The following PPP1R3C variants were observed in gnomAD, a reference collection of about 807,000 sequenced individuals.
PPP1R3C encodes protein phosphatase 1 regulatory subunit 3C, also known as PP1 subunit R5.
A neutral mutation model predicts 29.3 loss-of-function variants in PPP1R3C; 20 were observed. That is an observed-to-expected ratio of 0.68 (90% CI 0.48 to 0.99). The LOEUF (loss-of-function observed/expected upper bound fraction) is 0.99. Among genes scored for constraint, PPP1R3C ranks in the 50% least tolerant of loss-of-function variants. The pLI, the probability that PPP1R3C is intolerant of heterozygous loss-of-function variation, is 0.00. For synonymous variants in PPP1R3C, 123 were observed against 143.1 expected (o/e 0.86, Z 1.00); for missense variants, 321 against 386.0 (o/e 0.83, Z 1.41).
At chr10:91,632,208 C>T (rs1431773063) in intron 1 of PPP1R3C, among the ~76,000 whole-genome samples, 1 of 152,138 alleles carries the variant, frequency 6.6e-6, no homozygotes. Context: ...ATAACACTCG[C>T]AGAATTTACT....
intron 1 of PPP1R3C, among the ~76,000 whole-genome samples, chr10:91,632,400 GTT>G (rs1027282991): frequency 7.2e-6 from 1 of 138,710 alleles, no homozygotes; most frequent in Non-Finnish European, 1.6e-5. Context: ...TGGTTTTTTT[GTT>G]TTTTTTTTTT....
rs909163406 is a variant in PPP1R3C at position 91,628,859 on chromosome 10, C to T, written c.*1068G>A. ...ATTCTTGCATTGAGAATCCTAGTGT[C>T]GGGCCTCACGTCAAGCATCACATCA... is the stretch of plus-strand genomic sequence containing the variant. On this transcript the variant is annotated 3_prime_UTR_variant, in exon 2 of 2. Coordinates refer to ENST00000238994, the MANE Select transcript of PPP1R3C (RefSeq NM_005398.7). 1.3e-5 allele frequency: 2 copies of T among 152,510 alleles called. No individual in the cohort carries two copies. Among genetic ancestry groups the T allele is most frequent in the Non-Finnish European group, 2.9e-5 (2 of 68,040 alleles). The allele number at this position is 152,510 out of a possible 1,614,324, so 9.4% of individuals were successfully genotyped here.
At chr10:91,632,634 C>A (rs1848728675) in intron 1 of PPP1R3C, among the ~76,000 whole-genome samples, 2 of 152,190 alleles carry the variant, frequency 1.3e-5, no homozygotes, top group South Asian at 4.1e-4. Flanking sequence ...CTCACCACTT[C>A]AGCTGCCCGA....
At position 91,628,988 on chromosome 10, in the gene PPP1R3C, T is replaced by C. The variant is rs1003928317; in HGVS notation, c.*939A>G. 2 of 152,274 alleles carry C rather than the reference T, an allele frequency of 1.3e-5. No individual in the cohort carries two copies. Among genetic ancestry groups the C allele is most frequent in the African/African-American group, 4.8e-5 (2 of 41,446 alleles). 9.4% of individuals were successfully genotyped at this position (152,274 alleles called of 1,614,324 possible). On this transcript the variant is annotated 3_prime_UTR_variant, in exon 2 of 2. Transcript: ENST00000238994. ...AACATTATTGCAGGAGGAATGCCTGTGTACAGAGTGGACCATCTTATGAGG... is the reference window on the plus strand; with the variant it reads ...AACATTATTGCAGGAGGAATGCCTGCGTACAGAGTGGACCATCTTATGAGG...
intron 1 of PPP1R3C, among the ~76,000 whole-genome samples, 179 bp from the exon 2 acceptor site, chr10:91,631,045 CCT>C (rs1848713309): frequency 6.6e-6 from 1 of 152,192 alleles, no homozygotes; most frequent in Non-Finnish European, 1.5e-5. Context: ...TCTATGTCTA[CCT>C]CTACCCTTGG....
chr10:91,629,305 G>A lies in PPP1R3C; in HGVS notation c.*622C>T, dbSNP rs886576038. ...TTATAGATCACATCTGAACAGAAAG[G>A]CTTCACTTAAGATCTTGATTCTCCG... On this transcript the variant is annotated 3_prime_UTR_variant, in exon 2 of 2. Coordinates refer to ENST00000238994, the MANE Select transcript of PPP1R3C (RefSeq NM_005398.7). 17 of 154,246 alleles carry A rather than the reference G, an allele frequency of 1.1e-4. No individual in the cohort carries two copies. Among genetic ancestry groups the A allele is most frequent in the African/African-American group, 3.9e-4 (16 of 41,420 alleles). 9.6% of individuals were successfully genotyped at this position (154,246 alleles called of 1,614,324 possible).
chr10:91,630,804 A>T lies in PPP1R3C; in HGVS notation c.77T>A (p.Met26Lys). The change falls in exon 2 of 2, where the codon ATG becomes AAG. Residue 26 changes from methionine (M) to lysine (K), a missense_variant. By Grantham distance (95) the Met-to-Lys change is moderately conservative (BLOSUM62 -1). Transcript: ENST00000238994. The surrounding 1 kb of genome is among the most constrained non-coding windows in gnomAD (Gnocchi z 4.4). Reference protein sequence around the residue: ...TSSVMPVDVAMRLCLAHSPPV... With the variant: ...TSSVMPVDVAKRLCLAHSPPV... The stretch of plus-strand genomic sequence containing the variant: ...TGGTGAATGTGCCAAGCAAAGCCTC[A>T]TGGCCACATCCACGGGCATGACCGA... 1 of 1,614,216 alleles carries T rather than the reference A, an allele frequency of 6.2e-7. No individual in the cohort carries two copies. Among genetic ancestry groups the T allele is most frequent in the Non-Finnish European group, 8.5e-7 (1 of 1,180,052 alleles).
rs191285483 is a variant in PPP1R3C at position 91,630,612 on chromosome 10, G to C, written c.269C>G (p.Ser90Cys). The C allele has an allele frequency of 1.9e-6, 3 of 1,612,114 alleles. No individual in the cohort carries two copies. The highest frequency in any genetic ancestry group is 1.3e-5 in the African/African-American group (1 of 74,940). ...QAKKRVVFAD[S>C]KGLSLTAIHV... is the part of the protein sequence containing the mutation. The stretch of plus-strand genomic sequence containing the variant: ...GATCGCAGTGAGAGAGAGGCCCTTG[G>C]AGTCAGCAAACACAACGCGCTTCTT... The change falls in exon 2 of 2, where the codon TCC becomes TGC. Residue 90 changes from serine to cysteine, a missense_variant. Coordinates refer to ENST00000238994, the MANE Select transcript of PPP1R3C (RefSeq NM_005398.7). This position sits in a 1 kb window ranked among gnomAD's most constrained non-coding sequence, Gnocchi z 4.4.
Position 91,630,709 on chromosome 10 carries a change from G to A in PPP1R3C, c.172C>T (p.Leu58=). The part of the protein sequence containing the change: ...RRHFVNKLKP[L]KSCLNIKHKA... Reference sequence around the variant, plus strand: ...TGTTTTATATTGAGACATGATTTCAGGGGCTTTAATTTATTCACAAAATGT... The same window carrying A: ...TGTTTTATATTGAGACATGATTTCAAGGGCTTTAATTTATTCACAAAATGT... Residue 58 remains leucine, a synonymous_variant, in exon 2 of 2, where the codon CTG becomes TTG. Transcript: ENST00000238994. The surrounding 1 kb of genome is among the most constrained non-coding windows in gnomAD (Gnocchi z 4.4). The A allele has an allele frequency of 1.2e-6, 2 of 1,614,168 alleles. No homozygotes were observed. The highest frequency in any genetic ancestry group is 3.3e-5 in the Admixed American group (2 of 60,022).
At chr10:91,631,235 TTTTC>T (rs953102607) in intron 1 of PPP1R3C, among the ~76,000 whole-genome samples, 10 of 152,194 alleles carry the variant, frequency 6.6e-5, no homozygotes, top group African/African-American at 2.4e-4. Flanking sequence ...AGGGAATTCA[TTTTC>T]TTTCTTTCTT....
chr10:91,630,941 AT>A lies in PPP1R3C; in HGVS notation c.15-76del. 7.5e-7 allele frequency: 1 copy of A among 1,326,194 alleles called. No individual in the cohort carries two copies. The highest frequency in any genetic ancestry group is 1.2e-5 in the South Asian group (1 of 83,928). 82.2% of individuals were successfully genotyped at this position (1,326,194 alleles called of 1,614,324 possible). A position where few individuals can be genotyped will look rare whatever the true frequency, so the allele number is the denominator to read the frequency against. On this transcript the variant is annotated intron_variant, in intron 1 of 1. Coordinates refer to ENST00000238994, the MANE Select transcript of PPP1R3C (RefSeq NM_005398.7). This position sits in a 1 kb window ranked among gnomAD's most constrained non-coding sequence, Gnocchi z 4.4. ...CCCCAGTGCCAAATACATATGTACT[AT>A]TTTTGTGCTGACTGAATTATAGCCA...
At chr10:91,632,890 C>A in intron 1 of PPP1R3C, 66 bp downstream of exon 1, 1 of 1,571,920 alleles carries the variant, frequency 6.4e-7, no homozygotes. Flanking sequence ...ACTGAAACGC[C>A]CCCCAACTTC....
chr10:91,630,877 A>G lies in PPP1R3C; in HGVS notation c.15-11T>C, dbSNP rs988107411. 1.2e-6 allele frequency: 2 copies of G among 1,602,820 alleles called. No individual in the cohort carries two copies. Among genetic ancestry groups the G allele is most frequent in the African/African-American group, 1.3e-5 (1 of 74,946 alleles). On this transcript the variant is annotated splice_polypyrimidine_tract_variant and intron_variant, in intron 1 of 1. Transcript: ENST00000238994. The surrounding 1 kb of genome is among the most constrained non-coding windows in gnomAD (Gnocchi z 4.4). The stretch of plus-strand genomic sequence containing the variant: ...AAAACCTGGATCATTCTGGAATGCA[A>G]AAAGAAGAGGGATTATCACCTGGAT...
chr10:91,629,838 T>G lies in PPP1R3C; in HGVS notation c.*89A>C. The G allele has an allele frequency of 7.3e-7, 1 of 1,371,334 alleles. No homozygotes were observed. Among genetic ancestry groups the G allele is most frequent in the Non-Finnish European group, 1.0e-6 (1 of 972,972 alleles). The allele number at this position is 1,371,334 out of a possible 1,614,324, so 84.9% of individuals were successfully genotyped here. On this transcript the variant is annotated 3_prime_UTR_variant, in exon 2 of 2. Transcript: ENST00000238994. ...CTCAAATCTAAACCTACTGATGGAG[T>G]AGCAAAGGCTTCCTAAAATTGAGCA...
In PPP1R3C at chr10:91,630,908, A is replaced by G. The variant is rs371256990; in HGVS notation, c.15-42T>C. 54 of 1,556,204 alleles carry G rather than the reference A, an allele frequency of 3.5e-5. No individual in the cohort carries two copies. The highest frequency in any genetic ancestry group is 4.7e-5 in the Non-Finnish European group (53 of 1,138,438). ...AGAGGGATTATCACCTGGATCGGAAATGCTCTTCCCCAGTGCCAAATACAT... is the reference window on the plus strand; with the variant it reads ...AGAGGGATTATCACCTGGATCGGAAGTGCTCTTCCCCAGTGCCAAATACAT... On this transcript the variant is annotated intron_variant, in intron 1 of 1. Transcript: ENST00000238994. This position sits in a 1 kb window ranked among gnomAD's most constrained non-coding sequence, Gnocchi z 4.4.
chr10:91,630,609 T>G lies in PPP1R3C; in HGVS notation c.272A>C (p.Lys91Thr), dbSNP rs1848707777. 2.0e-5 allele frequency: 32 copies of G among 1,612,036 alleles called. No homozygotes were observed. The highest frequency in any genetic ancestry group is 2.7e-5 in the Non-Finnish European group (32 of 1,178,456). ...ATGGATCGCAGTGAGAGAGAGGCCC[T>G]TGGAGTCAGCAAACACAACGCGCTT... The part of the protein sequence containing the change: ...AKKRVVFADS[K>T]GLSLTAIHVF... Residue 91 changes from lysine to threonine, a missense_variant, in exon 2 of 2, where the codon AAG becomes ACG. Physicochemically the swap from Lys to Thr is moderately conservative, Grantham distance 78 (BLOSUM62 -1). Transcript: ENST00000238994. This position sits in a 1 kb window ranked among gnomAD's most constrained non-coding sequence, Gnocchi z 4.4.
At position 91,630,960 on chromosome 10, in the gene PPP1R3C, T is replaced by A; in HGVS notation, c.15-94A>T. ...TGTACTATTTTTGTGCTGACTGAAT[T>A]ATAGCCAGTGCACTAGATATCAGGC... is the stretch of plus-strand genomic sequence containing the variant. On this transcript the variant is annotated intron_variant, in intron 1 of 1. Transcript: ENST00000238994. The surrounding 1 kb of genome is among the most constrained non-coding windows in gnomAD (Gnocchi z 4.4). The A allele has an allele frequency of 1.9e-6, 2 of 1,077,050 alleles. No homozygotes were observed. The highest frequency in any genetic ancestry group is 2.8e-6 in the Non-Finnish European group (2 of 715,684). 66.7% of individuals were successfully genotyped at this position (1,077,050 alleles called of 1,614,324 possible). A position where few individuals can be genotyped will look rare whatever the true frequency, so the allele number is the denominator to read the frequency against.
At chr10:91,632,852 T>C in intron 1 of PPP1R3C, 104 bp downstream of exon 1, 1 of 1,494,748 alleles carries the variant, frequency 6.7e-7, no homozygotes, top group East Asian at 2.4e-5. Context: ...GTCCTCCCCC[T>C]GGGGTGTCCA....
At position 91,630,593 on chromosome 10, in the gene PPP1R3C, A is replaced by G. The variant is rs1848707391; in HGVS notation, c.288T>C (p.Thr96=). ...GGAGGTCGGAGAAGACATGGATCGC[A>G]GTGAGAGAGAGGCCCTTGGAGTCAG... ...VFADSKGLSL[T]AIHVFSDLPE... Residue 96 remains threonine, a synonymous_variant, in exon 2 of 2, where the codon ACT becomes ACC. Coordinates refer to ENST00000238994, the MANE Select transcript of PPP1R3C (RefSeq NM_005398.7). The surrounding 1 kb of genome is among the most constrained non-coding windows in gnomAD (Gnocchi z 4.4). The G allele has an allele frequency of 6.2e-7, 1 of 1,613,202 alleles. No individual in the cohort carries two copies.
Sources: allele counts gnomAD v4.1 joint callset (sites outside exome capture counted in the v4.1 genomes callset), GRCh38; gene constraint gnomAD v4.1.1; non-coding constraint Gnocchi (gnomAD v3.1); transcripts MANE v1.5; gene names NCBI Gene and HGNC (gene_info 2026-07-23, HGNC 2026-07-21).